SLC5A4: variants seen among roughly 807,000 people sequenced by gnomAD.
SLC5A4 encodes the protein solute carrier family 5 member 4.
SLC5A4 carries 55 observed loss-of-function variants against 70.3 expected under a neutral mutation model. The observed-to-expected ratio is 0.78, with a 90% CI of 0.63 to 0.98. The LOEUF (loss-of-function observed/expected upper bound fraction) is 0.98, where lower values mean the gene tolerates loss of function less well. SLC5A4 is among the 50% of genes least tolerant of loss of function. The pLI, the probability that SLC5A4 is intolerant of heterozygous loss-of-function variation, is 0.00. For missense variants in SLC5A4, 735 were observed against 839.2 expected (o/e 0.88, Z 1.53); for synonymous variants, 268 against 305.7 (o/e 0.88, Z 1.29).
chr22:32,225,766 A>C lies in SLC5A4; in HGVS notation c.1338T>G (p.Val446=), dbSNP rs1477909679. The C allele has an allele frequency of 3.1e-6, 5 of 1,612,850 alleles. No homozygotes were observed. In the South Asian group the frequency reaches 5.5e-5, roughly 18 times the overall value. The part of the protein sequence containing the change: ...VSIVWVPLVQ[V]SQNGQLIHYT... Reference sequence around the variant, plus strand: ...AATGGATTAGTTGTCCATTTTGAGAAACTTGTACCAGTGGGACCCACACAA... The same window carrying C: ...AATGGATTAGTTGTCCATTTTGAGACACTTGTACCAGTGGGACCCACACAA... Residue 446 remains valine, a synonymous_variant, in exon 12 of 15, where the codon GTT becomes GTG. Transcript: ENST00000266086.
the SLC5A4 span, among the ~76,000 whole-genome samples, chr22:32,311,534 G>A: frequency 0.012 from 1,782 of 152,342 alleles, 42 homozygotes; most frequent in African/African-American, 0.04. Context: ...GTGGGTGGAT[G>A]TTACGGGCAT....
the SLC5A4 span, among the ~76,000 whole-genome samples, chr22:32,298,225 C>T: frequency 4.3e-5 from 6 of 140,692 alleles, no homozygotes; most frequent in South Asian, 4.9e-4. Context: ...CTTTCTGTCT[C>T]GTTGATCTGT....
the SLC5A4 span, among the ~76,000 whole-genome samples, chr22:32,344,165 G>A: frequency 1.3e-5 from 2 of 152,112 alleles, no homozygotes; most frequent in African/African-American, 4.8e-5. Flanking sequence ...GGTTCAACGT[G>A]TGACATTGGA....
chr22:32,233,930 G>C (rs1465059624), intron 8 of SLC5A4, among the ~76,000 whole-genome samples: 1 of 151,952 alleles, frequency 6.6e-6, no homozygotes, highest in East Asian at 1.9e-4. Flanking sequence ...ATTACATTCA[G>C]GTAGTCACAA....
chr22:32,264,393 T>C, the SLC5A4 span, among the ~76,000 whole-genome samples: 2 of 151,934 alleles, frequency 1.3e-5, no homozygotes, highest in African/African-American at 4.8e-5. Context: ...GGCAACATGG[T>C]GAGACCCCCA....
chr22:32,227,762 C>G (rs899999303), intron 11 of SLC5A4, among the ~76,000 whole-genome samples: 1 of 152,052 alleles, frequency 6.6e-6, no homozygotes, highest in African/African-American at 2.4e-5. Context: ...TGGTGAAACC[C>G]CGTCTCTACT....
the SLC5A4 span, among the ~76,000 whole-genome samples, chr22:32,331,094 G>T: frequency 6.9e-6 from 1 of 145,716 alleles, no homozygotes; most frequent in Non-Finnish European, 1.5e-5. Context: ...TCTGGTGTGT[G>T]TGTGTTGGAG....
At chr22:32,302,628 G>T in the SLC5A4 span, among the ~76,000 whole-genome samples, 3 of 151,868 alleles carry the variant, frequency 2.0e-5, no homozygotes, top group East Asian at 1.9e-4. Flanking sequence ...AAACCAATTT[G>T]GCAAATATGT....
chr22:32,337,984 C>CA, the SLC5A4 span, among the ~76,000 whole-genome samples: 1 of 149,128 alleles, frequency 6.7e-6, no homozygotes, highest in African/African-American at 2.5e-5. Flanking sequence ...AACAGGCTCC[C>CA]AAAATTCCTA....
chr22:32,331,374 G>T, the SLC5A4 span, among the ~76,000 whole-genome samples: 10 of 152,074 alleles, frequency 6.6e-5, no homozygotes, highest in Admixed American at 6.5e-5. Flanking sequence ...CGAGATGGCG[G>T]CACGGGGGAA....
the SLC5A4 span, among the ~76,000 whole-genome samples, chr22:32,313,884 G>C: frequency 1.8e-4 from 27 of 152,304 alleles, no homozygotes; most frequent in African/African-American, 6.0e-4. Flanking sequence ...AGGTGGAGTA[G>C]AAGGCAGGGA....
chr22:32,310,632 C>T, the SLC5A4 span, among the ~76,000 whole-genome samples: 3 of 152,212 alleles, frequency 2.0e-5, no homozygotes, highest in African/African-American at 7.2e-5. Flanking sequence ...TGGACACTGG[C>T]AACACTGCCT....
chr22:32,331,427 C>T, the SLC5A4 span, among the ~76,000 whole-genome samples: 1 of 152,100 alleles, frequency 6.6e-6, no homozygotes, highest in Non-Finnish European at 1.5e-5. Context: ...AGTCAGCTCC[C>T]CTGGTCTCCA....
chr22:32,330,796 G>GGGCTCTGGTGTGTGTTTTGGGA, the SLC5A4 span, among the ~76,000 whole-genome samples: 3 of 53,204 alleles, frequency 5.6e-5, no homozygotes, highest in Non-Finnish European at 7.8e-5. Context: ...TGTGTGTTGG[G>GGGCTCTGGTGTGTGTTTTGGGA]GGCTCTGGTG....
the SLC5A4 span, among the ~76,000 whole-genome samples, chr22:32,293,047 CTCA>C: frequency 6.6e-6 from 1 of 152,088 alleles, no homozygotes; most frequent in African/African-American, 2.4e-5. Flanking sequence ...GCTAATACTT[CTCA>C]TCTTTAAGTA....
chr22:32,332,456 C>A, the SLC5A4 span, among the ~76,000 whole-genome samples: 1 of 152,242 alleles, frequency 6.6e-6, no homozygotes, highest in South Asian at 2.1e-4. Flanking sequence ...AGGCTCATTC[C>A]TTTCCATCCT....
At chr22:32,341,587 C>A in the SLC5A4 span, among the ~76,000 whole-genome samples, 1 of 152,198 alleles carries the variant, frequency 6.6e-6, no homozygotes, top group Admixed American at 6.5e-5. Flanking sequence ...TTCAACAGAG[C>A]CGTGAACAGC....
At chr22:32,272,402 G>T in the SLC5A4 span, 2 of 907,746 alleles carry the variant, frequency 2.2e-6, no homozygotes, top group Non-Finnish European at 3.6e-6. Flanking sequence ...GAGCTGACGG[G>T]CATGGCCTTC....
chr22:32,342,460 C>T, the SLC5A4 span, among the ~76,000 whole-genome samples: 1 of 152,050 alleles, frequency 6.6e-6, no homozygotes, highest in Non-Finnish European at 1.5e-5. Flanking sequence ...CTAGCAGGAG[C>T]TGAAATCCAC....
Sources: allele counts gnomAD v4.1 joint callset (sites outside exome capture counted in the v4.1 genomes callset), GRCh38; gene constraint gnomAD v4.1.1; transcripts MANE v1.5; gene names NCBI Gene and HGNC (gene_info 2026-07-23, HGNC 2026-07-21).